Variants in FOXP1 observed in about 807,000 individuals in gnomAD.
The protein encoded by FOXP1 is forkhead box P1.
Under a neutral mutation model 98.2 loss-of-function variants are expected in FOXP1, and 15 were observed. The observed-to-expected ratio is 0.15, with a 90% CI of 0.10 to 0.24. The LOEUF (loss-of-function observed/expected upper bound fraction) is 0.24. Ranked by LOEUF, FOXP1 falls within the 10% of genes least tolerant of loss-of-function variation. The probability of loss-of-function intolerance (pLI) is 1.00; values close to 1 mark genes in which losing one functional copy is unlikely to be tolerated. For missense variants in FOXP1, 633 were observed against 848.5 expected (o/e 0.75, Z 3.15); for synonymous variants, 371 against 314.5 (o/e 1.18, Z -1.90).
intron 6 of FOXP1, among the ~76,000 whole-genome samples, chr3:71,186,693 G>C (rs2062667443): frequency 6.6e-6 from 1 of 152,166 alleles, no homozygotes; most frequent in South Asian, 2.1e-4. Flanking sequence ...CCTGGCAACA[G>C]AGCAAGACTC....
rs568998027 is a variant in FOXP1, at chr3:71,273,860, G to A, written c.-12+25960C>T. On this transcript the variant is annotated intron_variant, in intron 5 of 20. Transcript: ENST00000649528. The stretch of plus-strand genomic sequence containing the variant: ...TGGTCGTGGATGGTGGCTACAAAAT[G>A]AGAAGAGGGCAGTGCAAAGGCCATT... 5.9e-5 allele frequency among the ~76,000 whole-genome samples: 9 copies of A among 152,332 alleles called. No individual in the cohort carries two copies. In the East Asian group the frequency reaches 1.5e-3, roughly 26 times the overall value.
intron 2 of FOXP1, among the ~76,000 whole-genome samples, chr3:71,568,751 A>G (rs913865485): frequency 6.6e-6 from 1 of 151,978 alleles, no homozygotes; most frequent in Admixed American, 6.6e-5. Flanking sequence ...GGTTCAAGCA[A>G]TTCTCCTGCC....
chr3:71,321,807 T>A (rs1253277018), intron 4 of FOXP1, among the ~76,000 whole-genome samples: 1 of 152,062 alleles, frequency 6.6e-6, no homozygotes, highest in Non-Finnish European at 1.5e-5. Context: ...GTATTTTTAG[T>A]AGACAAGGTT....
chr3:71,557,253 A>G (rs946613533), intron 2 of FOXP1, among the ~76,000 whole-genome samples: 3 of 152,168 alleles, frequency 2.0e-5, no homozygotes, highest in African/African-American at 7.2e-5. Flanking sequence ...GAAGAAAAAT[A>G]TTGAAATGAG....
chr3:71,436,660 A>C (rs1236353421), intron 3 of FOXP1, among the ~76,000 whole-genome samples: 4 of 152,176 alleles, frequency 2.6e-5, no homozygotes, highest in African/African-American at 7.2e-5. Flanking sequence ...TCAAGGATTC[A>C]CTAAGCCAAC....
rs552053030 is a variant in FOXP1 at position 71,355,529 on chromosome 3, C to T, written c.-73+3621G>A. On this transcript the variant is annotated intron_variant, in intron 4 of 20. Transcript: ENST00000649528. ...GTCCTGGGAGGCATGGAAGGTATCC[C>T]GTAATTCAGAGGCAAGGGAGATTTT... Among the ~76,000 whole-genome samples the T allele has an allele frequency of 7.2e-5, 11 of 152,206 alleles. No homozygotes were observed. The South Asian group carries it at 8.3e-4, about 11-fold the overall frequency.
chr3:71,481,630 A>C (rs1169747829), intron 3 of FOXP1, among the ~76,000 whole-genome samples: 1 of 152,196 alleles, frequency 6.6e-6, no homozygotes, highest in Non-Finnish European at 1.5e-5. Flanking sequence ...CCCCAACCCC[A>C]AAAACAATAC....
At chr3:70,973,225 G>A (rs960761082) in intron 17 of FOXP1, among the ~76,000 whole-genome samples, 1 of 149,676 alleles carries the variant, frequency 6.7e-6, no homozygotes, top group African/African-American at 2.5e-5. Flanking sequence ...GGGGGGTGGT[G>A]AACGGACCCC....
rs193196549 is a variant in FOXP1 at position 71,328,103 on chromosome 3, A to C, written c.-72-28223T>G. Among the ~76,000 whole-genome samples, 299 of 152,214 alleles carry C rather than the reference A, an allele frequency of 2.0e-3. 1 individual carries two copies. Among genetic ancestry groups the C allele is most frequent in the Admixed American group, 4.4e-3 (68 of 15,294 alleles). On this transcript the variant is annotated intron_variant, in intron 4 of 20. Coordinates refer to ENST00000649528, the MANE Select transcript of FOXP1 (RefSeq NM_001349338.3). ...TCAAGATACGTGATAAGCTGAAAAG[A>C]CTGGGTGTAAACATGTTTACATTAA...
intron 3 of FOXP1, among the ~76,000 whole-genome samples, chr3:71,399,656 C>A (rs570174190): frequency 6.6e-6 from 1 of 152,302 alleles, no homozygotes; most frequent in African/African-American, 2.4e-5. Flanking sequence ...TGAGATGGAG[C>A]ATGATGAAAT....
At chr3:70,984,202 A>G (rs1559640771) in intron 14 of FOXP1, among the ~76,000 whole-genome samples, 2 of 152,212 alleles carry the variant, frequency 1.3e-5, no homozygotes, top group Non-Finnish European at 2.9e-5. Context: ...CGCAGGGTCC[A>G]GTCTTTATAA....
intron 14 of FOXP1, among the ~76,000 whole-genome samples, chr3:70,981,943 T>C (rs1389454906): frequency 6.6e-6 from 1 of 152,236 alleles, no homozygotes; most frequent in Admixed American, 6.5e-5. Context: ...CAAAATCATT[T>C]GAAGGCTGAA....
At chr3:71,388,729 C>A (rs1216164710) in intron 3 of FOXP1, among the ~76,000 whole-genome samples, 1 of 152,000 alleles carries the variant, frequency 6.6e-6, no homozygotes, top group Non-Finnish European at 1.5e-5. Flanking sequence ...ATAAAAATGC[C>A]ATAAACATGC....
chr3:71,463,438 C>A (rs2088364614), intron 3 of FOXP1, among the ~76,000 whole-genome samples: 1 of 151,358 alleles, frequency 6.6e-6, no homozygotes, highest in African/African-American at 2.4e-5. Context: ...CTCACACCTA[C>A]CACATGGCTA....
rs567604652 is a variant in FOXP1 at position 71,065,083 on chromosome 3, G to T, written c.283-11310C>A. Among the ~76,000 whole-genome samples, 865 of 143,836 alleles carry T rather than the reference G, an allele frequency of 6.0e-3. 14 individuals are homozygous for T. The highest frequency in any genetic ancestry group is 0.021 in the African/African-American group (834 of 39,558). The allele number at this position is 143,836 out of a possible 152,430, so 94.4% of individuals were successfully genotyped here. ...CAATGGGCTCCGCGGCCCGCGCCCC[G>T]CGCCCGCGCGCCCCGGCCCCCTCCG... is the stretch of plus-strand genomic sequence containing the variant. On this transcript the variant is annotated intron_variant, in intron 7 of 20. Transcript: ENST00000649528.
chr3:71,475,640 C>T (rs539548562), intron 3 of FOXP1, among the ~76,000 whole-genome samples: 11 of 152,172 alleles, frequency 7.2e-5, no homozygotes, highest in Non-Finnish European at 1.0e-4. Flanking sequence ...GTCAGGAGTT[C>T]GAGACCAGCC....
At chr3:71,524,542 A>G (rs1042093882) in intron 2 of FOXP1, among the ~76,000 whole-genome samples, 25 of 146,602 alleles carry the variant, frequency 1.7e-4, no homozygotes, top group Non-Finnish European at 3.5e-4. Flanking sequence ...TAAATCTTAA[A>G]AAAAAAAAAA....
chr3:71,304,715 C>T (rs955929870), intron 4 of FOXP1: 1 of 152,090 alleles, frequency 6.6e-6, no homozygotes, highest in East Asian at 1.9e-4. Flanking sequence ...TTATTAAAAA[C>T]CTTCAGCAGC....
At chr3:71,109,638 G>A (rs888563092) in intron 7 of FOXP1, among the ~76,000 whole-genome samples, 8 of 152,212 alleles carry the variant, frequency 5.3e-5, no homozygotes, top group Non-Finnish European at 1.2e-4. Context: ...CAAGGATGCA[G>A]TATGGCAAGA....
Sources: allele counts gnomAD v4.1 joint callset (sites outside exome capture counted in the v4.1 genomes callset), GRCh38; gene constraint gnomAD v4.1.1; transcripts MANE v1.5; gene names NCBI Gene and HGNC (gene_info 2026-07-23, HGNC 2026-07-21).